The following PCDHGB5 variants were observed in gnomAD, a reference collection of about 807,000 sequenced individuals.
PCDHGB5 encodes the protein protocadherin gamma subfamily B, 5.
Under a neutral mutation model 62.9 loss-of-function variants are expected in PCDHGB5, and 48 were observed. The ratio of observed to expected loss-of-function variants is 0.76; its 90% CI spans 0.61 to 0.97. The LOEUF (loss-of-function observed/expected upper bound fraction) is 0.97. Among genes scored for constraint, PCDHGB5 ranks in the 50% least tolerant of loss-of-function variants. PCDHGB5 has a pLI of 0.00. For missense variants in PCDHGB5, 1,118 were observed against 1,198.6 expected (o/e 0.93, Z 0.99); for synonymous variants, 474 against 511.2 (o/e 0.93, Z 0.98).
chr5:141,509,787 TCTC>T (rs2099878266), intron 3 of PCDHGB5, among the ~76,000 whole-genome samples: 1 of 152,132 alleles, frequency 6.6e-6, no homozygotes, highest in Non-Finnish European at 1.5e-5. Context: ...GAGATCATCA[TCTC>T]CTCAGCTTCA....
chr5:141,465,782 T>G (rs2099109563), intron 1 of PCDHGB5, among the ~76,000 whole-genome samples: 1 of 152,076 alleles, frequency 6.6e-6, no homozygotes, highest in African/African-American at 2.4e-5. Flanking sequence ...TGTTACAGTT[T>G]TTTTTTTTTT....
At position 141,423,201 on chromosome 5, in the gene PCDHGB5, C is replaced by T. The variant is rs749613139; in HGVS notation, c.2397+22677C>T. 24 of 1,613,628 alleles carry T rather than the reference C, an allele frequency of 1.5e-5. No homozygotes were observed. The South Asian group carries it at 1.5e-4, about 10-fold the overall frequency. ...ACGGCCAGCCCCCTCTCTCGGCCAC[C>T]GTCACGCTCACCGTGGCTGTGGCCG... On this transcript the variant is annotated intron_variant, in intron 1 of 3. Coordinates refer to ENST00000617380, the MANE Select transcript of PCDHGB5 (RefSeq NM_018925.3).
At position 141,410,013 on chromosome 5, in the gene PCDHGB5, T is replaced by A. The variant is rs770463619; in HGVS notation, c.2397+9489T>A. On this transcript the variant is annotated intron_variant, in intron 1 of 3. Coordinates refer to ENST00000617380, the MANE Select transcript of PCDHGB5 (RefSeq NM_018925.3). ...GCCGACTCGGGACACAACGCCTGGC[T>A]GTCCTACCACGTGCTGCAGGCCAGT... 1 of 1,613,296 alleles carries A rather than the reference T, an allele frequency of 6.2e-7. No individual in the cohort carries two copies. Among genetic ancestry groups the A allele is most frequent in the East Asian group, 2.2e-5 (1 of 44,870 alleles).
At chr5:141,484,620 C>G (rs536622819) in intron 1 of PCDHGB5, among the ~76,000 whole-genome samples, 25 of 151,974 alleles carry the variant, frequency 1.6e-4, no homozygotes, top group African/African-American at 6.0e-4. Flanking sequence ...ACAACACTGG[C>G]TTGAACAAAG....
chr5:141,419,886 G>A lies in PCDHGB5; in HGVS notation c.2397+19362G>A, dbSNP rs1195529127. ...TTGCAAGAGGTACTGCCGGATTTCA[G>A]CGACCATCCCACACCCTCTGACTCC... On this transcript the variant is annotated intron_variant, in intron 1 of 3. Transcript: ENST00000617380. 1.9e-6 allele frequency: 3 copies of A among 1,614,076 alleles called. No individual in the cohort carries two copies. In the East Asian group the frequency reaches 6.7e-5, roughly 36 times the overall value.
chr5:141,455,477 C>A (rs557286491), intron 1 of PCDHGB5, among the ~76,000 whole-genome samples: 15 of 152,252 alleles, frequency 9.9e-5, no homozygotes, highest in African/African-American at 2.9e-4. Flanking sequence ...TATGCAGAGG[C>A]TGGTGGAGGT....
chr5:141,420,229 C>A (rs1206296211), intron 1 of PCDHGB5: 1 of 1,600,344 alleles, frequency 6.2e-7, no homozygotes, highest in South Asian at 1.1e-5. Flanking sequence ...TACTGGCTAG[C>A]ATTTTAACTC....
chr5:141,408,077 G>A, intron 1 of PCDHGB5: 2 of 1,408,130 alleles, frequency 1.4e-6, no homozygotes, highest in South Asian at 3.0e-5. Context: ...ACCTTTCCCA[G>A]CACAGCGGAT....
intron 2 of PCDHGB5, among the ~76,000 whole-genome samples, chr5:141,504,799 C>A (rs1474096570): frequency 6.6e-6 from 1 of 151,994 alleles, no homozygotes; most frequent in African/African-American, 2.4e-5. Context: ...CCTACATCTC[C>A]CCCTAGGTAC....
intron 1 of PCDHGB5, among the ~76,000 whole-genome samples, chr5:141,453,176 C>A (rs1225418058): frequency 6.6e-6 from 1 of 152,042 alleles, no homozygotes; most frequent in African/African-American, 2.4e-5. Flanking sequence ...TCCAGTGGTA[C>A]AATCACAGCT....
At chr5:141,496,479 CAACCAACCA>C (rs1199646129) in intron 2 of PCDHGB5, among the ~76,000 whole-genome samples, 1 of 152,180 alleles carries the variant, frequency 6.6e-6, no homozygotes, top group Non-Finnish European at 1.5e-5. Context: ...CCCCATCCTG[CAACCAACCA>C]AACCCTTGTT....
chr5:141,441,155 T>A (rs2098229690), intron 1 of PCDHGB5: 1 of 152,230 alleles, frequency 6.6e-6, no homozygotes, highest in East Asian at 1.9e-4. Flanking sequence ...GACAATATCC[T>A]AGAGGCGATT....
chr5:141,477,779 A>C lies in PCDHGB5; in HGVS notation c.2398-17028A>C. ...CCTAGCCACCAACATCAGCGTGAAC[A>C]TATTTGTCACTGATCGCAATGACAA... is the stretch of plus-strand genomic sequence containing the variant. On this transcript the variant is annotated intron_variant, in intron 1 of 3. Transcript: ENST00000617380. The surrounding 1 kb of genome is among the most constrained non-coding windows in gnomAD (Gnocchi z 4.9). 1.2e-6 allele frequency: 2 copies of C among 1,614,012 alleles called. No individual in the cohort carries two copies. Among genetic ancestry groups the C allele is most frequent in the Non-Finnish European group, 1.7e-6 (2 of 1,180,020 alleles).
intron 1 of PCDHGB5, among the ~76,000 whole-genome samples, chr5:141,459,724 T>C (rs1440632046): frequency 6.6e-6 from 1 of 152,250 alleles, no homozygotes; most frequent in Non-Finnish European, 1.5e-5. Context: ...TGCTTCCTAT[T>C]GTCAATTTTT....
At chr5:141,421,774 C>G (rs767599830) in intron 1 of PCDHGB5, 27 of 1,613,772 alleles carry the variant, frequency 1.7e-5, no homozygotes, top group Middle Eastern at 1.6e-4. Context: ...TTCCTTGCAA[C>G]TGCGGGGCAG....
Position 141,490,749 on chromosome 5 carries a change from C to T in PCDHGB5, c.2398-4058C>T, listed in dbSNP as rs777124697. 3.1e-6 allele frequency: 5 copies of T among 1,614,098 alleles called. No individual in the cohort carries two copies. The South Asian group carries it at 5.5e-5, about 18-fold the overall frequency. ...GAAATCAGGTTCAGGGAGCCCCAGC[C>T]TCCTCCTTTGTGTATGTCAACCCAG... On this transcript the variant is annotated intron_variant, in intron 1 of 3. Coordinates refer to ENST00000617380, the MANE Select transcript of PCDHGB5 (RefSeq NM_018925.3). The surrounding 1 kb of genome is among the most constrained non-coding windows in gnomAD (Gnocchi z 5.4).
At chr5:141,438,548 C>T (rs1423036586) in intron 1 of PCDHGB5, among the ~76,000 whole-genome samples, 2 of 135,792 alleles carry the variant, frequency 1.5e-5, no homozygotes, top group Non-Finnish European at 3.1e-5. Context: ...ATATCTAAGC[C>T]CTAATAAGAG....
intron 2 of PCDHGB5, among the ~76,000 whole-genome samples, chr5:141,499,133 T>C (rs1443866975): frequency 6.6e-6 from 1 of 152,184 alleles, no homozygotes; most frequent in East Asian, 1.9e-4. Context: ...GGTCATCCTT[T>C]GGGTGTCTGA....
chr5:141,452,888 C>T (rs62379168), intron 1 of PCDHGB5, among the ~76,000 whole-genome samples: 13,856 of 152,130 alleles, frequency 0.091, 849 homozygotes, highest in African/African-American at 0.17. Flanking sequence ...TAATTTATTC[C>T]ACTTTTATTA....
Sources: allele counts gnomAD v4.1 joint callset (sites outside exome capture counted in the v4.1 genomes callset), GRCh38; gene constraint gnomAD v4.1.1; non-coding constraint Gnocchi (gnomAD v3.1); transcripts MANE v1.5; gene names NCBI Gene and HGNC (gene_info 2026-07-23, HGNC 2026-07-21).